The following PRKG2 variants were observed in gnomAD, a reference collection of about 807,000 sequenced individuals.
The protein encoded by PRKG2 is protein kinase cGMP-dependent 2.
PRKG2 carries 33 observed loss-of-function variants against 97.2 expected under a neutral mutation model. The ratio of observed to expected loss-of-function variants is 0.34; its 90% CI spans 0.26 to 0.45. The LOEUF (loss-of-function observed/expected upper bound fraction) is 0.45, where lower values mean the gene tolerates loss of function less well. Ranked by LOEUF, PRKG2 falls within the 20% of genes least tolerant of loss-of-function variation. The pLI is 1.00. For synonymous variants in PRKG2, 330 were observed against 321.8 expected, an observed-to-expected ratio of 1.03 and a Z score of -0.27; for missense variants, 638 against 900.0, an observed-to-expected ratio of 0.71 and a Z score of 3.73.
intron 11 of PRKG2, 133 bp downstream of exon 11, chr4:81,142,661 T>G: frequency 8.6e-7 from 1 of 1,166,964 alleles, no homozygotes; most frequent in South Asian, 2.2e-5. Flanking sequence ...AAAGTTTACT[T>G]TCTCAATTTC....
chr4:81,211,098 A>G (rs1325105807), intron 1 of PRKG2, among the ~76,000 whole-genome samples: 1 of 152,200 alleles, frequency 6.6e-6, no homozygotes, highest in Non-Finnish European at 1.5e-5. Context: ...AAACTATTCA[A>G]TATGATACTG....
chr4:81,109,771 A>G (rs144399191), intron 15 of PRKG2, among the ~76,000 whole-genome samples: 1 of 152,306 alleles, frequency 6.6e-6, no homozygotes, highest in East Asian at 1.9e-4. Context: ...GTGAGGTAAT[A>G]TCACATATAG....
intron 9 of PRKG2, among the ~76,000 whole-genome samples, chr4:81,144,828 G>A (rs370158039): frequency 1.5e-5 from 2 of 135,416 alleles, no homozygotes; most frequent in African/African-American, 5.7e-5. Flanking sequence ...TCATTGTTCA[G>A]TTCCCACCTA....
intron 14 of PRKG2, 112 bp downstream of exon 14, chr4:81,135,043 C>T (rs148836152): frequency 9.2e-7 from 1 of 1,082,180 alleles, no homozygotes; most frequent in East Asian, 2.5e-5. Flanking sequence ...GCCATACTGC[C>T]AAAGAGAGAA....
At chr4:81,216,367 CAAA>C (rs11362212), upstream of PRKG2, among the ~76,000 whole-genome samples, 5 of 137,520 alleles carry the variant, frequency 3.6e-5, no homozygotes, top group African/African-American at 1.0e-4. Context: ...ATAAAGACCT[CAAA>C]AAAAAAAAAA....
At chr4:81,091,118 C>G (rs183907023) in intron 18 of PRKG2, among the ~76,000 whole-genome samples, 20 of 151,960 alleles carry the variant, frequency 1.3e-4, no homozygotes, top group African/African-American at 4.1e-4. Context: ...AGGATGAAAT[C>G]TTATAGGGAA....
chr4:81,093,173 A>G (rs530652193), intron 17 of PRKG2, among the ~76,000 whole-genome samples: 1 of 151,300 alleles, frequency 6.6e-6, no homozygotes, highest in South Asian at 2.1e-4. Context: ...TAACTCATTT[A>G]TCTTCTCACT....
chr4:81,183,747 G>C (rs1345545583), intron 2 of PRKG2, among the ~76,000 whole-genome samples: 1 of 152,102 alleles, frequency 6.6e-6, no homozygotes, highest in Non-Finnish European at 1.5e-5. Flanking sequence ...CCACTAGCTT[G>C]AAATTCTCAC....
intron 1 of PRKG2, among the ~76,000 whole-genome samples, chr4:81,208,714 T>C (rs987328581): frequency 1.3e-5 from 2 of 152,114 alleles, no homozygotes; most frequent in Non-Finnish European, 2.9e-5. Flanking sequence ...AAGATGCACA[T>C]TATTCCTTTG....
intron 13 of PRKG2, among the ~76,000 whole-genome samples, 181 bp downstream of exon 13, chr4:81,137,212 C>G (rs1746796280): frequency 6.6e-6 from 1 of 152,206 alleles, no homozygotes; most frequent in Admixed American, 6.5e-5. Context: ...ATGACAACAA[C>G]TACCTTACGT....
chr4:81,108,285 A>G (rs1578350581), intron 15 of PRKG2, among the ~76,000 whole-genome samples: 1 of 152,244 alleles, frequency 6.6e-6, no homozygotes, highest in Middle Eastern at 3.4e-3. Flanking sequence ...ATGACTTTCC[A>G]TGAACTACTT....
chr4:81,091,518 C>T (rs981922212), intron 18 of PRKG2, among the ~76,000 whole-genome samples: 3 of 151,932 alleles, frequency 2.0e-5, no homozygotes, highest in Non-Finnish European at 4.4e-5. Context: ...CTCCTGACCT[C>T]GTGATCCGCC....
chr4:81,163,763 C>T (rs1024847990), intron 6 of PRKG2, among the ~76,000 whole-genome samples: 2 of 151,932 alleles, frequency 1.3e-5, no homozygotes, highest in African/African-American at 2.4e-5. Context: ...CTTTAATTTG[C>T]AGCTACAAAT....
At position 81,139,969 on chromosome 4, in the gene PRKG2, C is replaced by CA. The variant is rs201582529; in HGVS notation, c.1544+563dup. On this transcript the variant is annotated intron_variant, in intron 12 of 18. Coordinates refer to ENST00000264399, the MANE Select transcript of PRKG2 (RefSeq NM_006259.3). ...AAGAGCCGAGTACTACTCAACCATA[C>CA]AAAAAAAATGAGATTCTGTCATTTG... 2.0e-3 allele frequency among the ~76,000 whole-genome samples: 307 copies of CA among 151,698 alleles called. 7 individuals are homozygous for CA. In the East Asian group the frequency reaches 0.053, roughly 26 times the overall value.
chr4:81,102,586 T>C (rs1018469477), intron 17 of PRKG2, among the ~76,000 whole-genome samples: 3 of 152,182 alleles, frequency 2.0e-5, no homozygotes, highest in African/African-American at 7.2e-5. Context: ...GCACAGAACA[T>C]TAGAATAGTA....
At chr4:81,159,829 A>T (rs991426440) in intron 6 of PRKG2, among the ~76,000 whole-genome samples, 1 of 151,858 alleles carries the variant, frequency 6.6e-6, no homozygotes, top group African/African-American at 2.4e-5. Flanking sequence ...TGAAATTGGA[A>T]ATCATCATTC....
In PRKG2 at chr4:81,120,608, A is replaced by G. The variant is rs188011437; in HGVS notation, c.1777-9997T>C. On this transcript the variant is annotated intron_variant, in intron 14 of 18. Transcript: ENST00000264399. The stretch of plus-strand genomic sequence containing the variant: ...CAAATTCTACTTGTTCATTGCTAGT[A>G]TATAGGAAAGTGATTGATTTTTGCA... 4.0e-3 allele frequency among the ~76,000 whole-genome samples: 614 copies of G among 152,314 alleles called. 6 individuals are homozygous for G. The highest frequency in any genetic ancestry group is 0.014 in the African/African-American group (581 of 41,568).
intron 6 of PRKG2, among the ~76,000 whole-genome samples, chr4:81,166,593 T>C (rs753263921): frequency 6.6e-5 from 10 of 152,142 alleles, no homozygotes; most frequent in Non-Finnish European, 1.3e-4. Flanking sequence ...ATCTGGGTGA[T>C]GCCTAAAATG....
chr4:81,125,803 G>C lies in PRKG2; in HGVS notation c.1776+9352C>G, dbSNP rs910303834. ...TAAGTAGGTATGAAATGGTAAATCT[G>C]TGGTTTTAATCTGCATTTCCTTGAT... On this transcript the variant is annotated intron_variant, in intron 14 of 18. Transcript: ENST00000264399. Among the ~76,000 whole-genome samples, 169 of 152,252 alleles carry C rather than the reference G, an allele frequency of 1.1e-3. 1 individual carries two copies. The highest frequency in any genetic ancestry group is 0.011 in the Admixed American group (168 of 15,292).
Sources: allele counts gnomAD v4.1 joint callset (sites outside exome capture counted in the v4.1 genomes callset), GRCh38; gene constraint gnomAD v4.1.1; transcripts MANE v1.5; gene names NCBI Gene and HGNC (gene_info 2026-07-23, HGNC 2026-07-21).